Variants in ATR observed in about 807,000 individuals in gnomAD.
ATR encodes the protein ATR checkpoint kinase, also known as serine/threonine-protein kinase ATR.
Under a neutral mutation model 305.3 loss-of-function variants are expected in ATR, and 142 were observed. The observed-to-expected ratio is 0.47, with a 90% confidence interval of 0.41 to 0.53. The LOEUF (loss-of-function observed/expected upper bound fraction) is 0.53. Ranked by LOEUF, ATR falls within the 20% of genes least tolerant of loss-of-function variation. ATR has a pLI of 0.00. For missense variants in ATR, 2,135 were observed against 3,133.1 expected, an observed-to-expected ratio of 0.68 and a Z score of 7.60; for synonymous variants, 1,050 against 1,068.1, an observed-to-expected ratio of 0.98 and a Z score of 0.33.
chr3:142,484,797 G>A (rs2030800838), intron 36 of ATR, among the ~76,000 whole-genome samples: 1 of 152,126 alleles, frequency 6.6e-6, no homozygotes, highest in African/African-American at 2.4e-5. Context: ...AGGACACCAA[G>A]CTGGTGTCCA....
At chr3:142,499,285 A>T in intron 31 of ATR, 1 of 311,852 alleles carries the variant, frequency 3.2e-6, no homozygotes, top group South Asian at 3.0e-5. Context: ...TTTATGTCAT[A>T]TTAAAACCGC....
At chr3:142,557,690 G>A (rs2034722445) in intron 8 of ATR, among the ~76,000 whole-genome samples, 1 of 152,088 alleles carries the variant, frequency 6.6e-6, no homozygotes, top group Admixed American at 6.6e-5. Context: ...TGGAGTGCAG[G>A]GGTGCAATCT....
chr3:142,467,972 G>C lies in ATR; in HGVS notation c.6649C>G (p.Arg2217Gly), dbSNP rs1171389652. The C allele has an allele frequency of 6.2e-7, 1 of 1,612,786 alleles. No homozygotes were observed. Among genetic ancestry groups the C allele is most frequent in the South Asian group, 1.1e-5 (1 of 91,052 alleles). Residue 2217 changes from arginine to glycine, a missense_variant, in exon 39 of 47, where the codon CGC (arginine) becomes GGC (glycine). Physicochemically the swap from Arg to Gly is moderately radical, Grantham distance 125 (BLOSUM62 -2). This residue lies in a region of ATR where 462 missense variants were observed against 887.6 expected (regional missense o/e 0.52). Coordinates refer to ENST00000350721, the MANE Select transcript of ATR (RefSeq NM_001184.4). ...SLEKFVGDATRLTDKLLELCN... is the reference protein window; with the variant it reads ...SLEKFVGDATGLTDKLLELCN... ...AATTCTAGAAGCTTATCTGTTAGGC[G>C]AGTTGCATCTCCAACAAACTTCTCT...
chr3:142,517,119 G>A (rs1230606857), intron 24 of ATR, among the ~76,000 whole-genome samples: 4 of 150,976 alleles, frequency 2.6e-5, no homozygotes, highest in South Asian at 2.1e-4. Context: ...GAATCATCAC[G>A]CGTATAGTTC....
intron 1 of ATR, among the ~76,000 whole-genome samples, chr3:142,577,299 GGAAGACA>G (rs947920279): frequency 6.6e-6 from 1 of 152,114 alleles, no homozygotes; most frequent in Non-Finnish European, 1.5e-5. Context: ...GACTCACGGA[GGAAGACA>G]GAAGAGGGAA....
intron 15 of ATR, among the ~76,000 whole-genome samples, chr3:142,549,085 C>T (rs1161230581): frequency 2.0e-5 from 3 of 152,052 alleles, no homozygotes; most frequent in Non-Finnish European, 4.4e-5. Flanking sequence ...AAAACCTGGA[C>T]CAAATTGTAA....
intron 45 of ATR, among the ~76,000 whole-genome samples, chr3:142,456,459 C>A (rs1160432396): frequency 6.6e-6 from 1 of 152,000 alleles, no homozygotes; most frequent in Non-Finnish European, 1.5e-5. Flanking sequence ...GCTGTCCCAG[C>A]TACTTAGGAA....
intron 35 of ATR, among the ~76,000 whole-genome samples, chr3:142,491,494 CTGT>C (rs1311869954): frequency 1.3e-5 from 2 of 152,154 alleles, no homozygotes; most frequent in African/African-American, 4.8e-5. Flanking sequence ...TCAAATTCTG[CTGT>C]TAAGTACTGG....
intron 46 of ATR, chr3:142,451,420 T>C: frequency 1.3e-6 from 2 of 1,485,962 alleles, no homozygotes; most frequent in South Asian, 2.3e-5. Context: ...AGAAATATTT[T>C]TCTTCATGGC....
In ATR at chr3:142,553,351, T is replaced by C. The variant is rs774278641; in HGVS notation, c.2681A>G (p.His894Arg). The C allele has an allele frequency of 5.6e-6, 9 of 1,613,710 alleles. No individual in the cohort carries two copies. In the South Asian group the frequency reaches 8.8e-5, roughly 16 times the overall value. Residue 894 changes from histidine to arginine, a missense_variant, in exon 13 of 47, where the codon CAT becomes CGT. Around this residue, in one of 9 missense-constraint regions of ATR, gnomAD observed 530 missense variants for 766.8 expected, o/e 0.69. Transcript: ENST00000350721. The stretch of plus-strand genomic sequence containing the variant: ...AGATGCTGACTTGGATAACAAACAA[T>C]GCAATAAGTGTAAGAGTGCAAATGG... ...LVPFALLHLLHCLLSKSASVS... is the reference protein window; with the variant it reads ...LVPFALLHLLRCLLSKSASVS...
At chr3:142,469,150 T>C (rs2071197310) in intron 38 of ATR, among the ~76,000 whole-genome samples, 187 bp downstream of exon 38, 2 of 152,218 alleles carry the variant, frequency 1.3e-5, no homozygotes, top group Non-Finnish European at 2.9e-5. Context: ...TCATTTCATA[T>C]GGTAAATATA....
intron 1 of ATR, among the ~76,000 whole-genome samples, chr3:142,572,722 T>C (rs527933152): frequency 1.3e-5 from 2 of 152,056 alleles, no homozygotes; most frequent in South Asian, 4.2e-4. Context: ...TGAGCCAAGA[T>C]TGTGTCACTG....
chr3:142,480,204 C>T lies in ATR; in HGVS notation c.6221+4936G>A, dbSNP rs572967714. ...TCAGTTTTTCTGTTCTGTTTTTTCCCCATCTTTGTGGTTTTATCTACCTTT... is the reference window on the plus strand; with the variant it reads ...TCAGTTTTTCTGTTCTGTTTTTTCCTCATCTTTGTGGTTTTATCTACCTTT... On this transcript the variant is annotated intron_variant, in intron 36 of 46. Transcript: ENST00000350721. Among the ~76,000 whole-genome samples the T allele has an allele frequency of 8.4e-4, 128 of 152,228 alleles. 3 individuals carry two copies. The South Asian group carries it at 0.026, about 31-fold the overall frequency.
In ATR at chr3:142,465,130, A is replaced by G. The variant is rs1444196337; in HGVS notation, c.7008T>C (p.Cys2336=). 4 of 1,598,194 alleles carry G rather than the reference A, an allele frequency of 2.5e-6. No individual in the cohort carries two copies. The highest frequency in any genetic ancestry group is 3.4e-6 in the Non-Finnish European group (4 of 1,170,484). The part of the protein sequence containing the change: ...CKPKDDLRKD[C]RLMEFNSLIN... ...TCAAGGAATTGAATTCCATTAGTCT[A>G]CAATCCTTTCTCAGGTCATCTTTTG... The change falls in exon 41 of 47, where the codon TGT becomes TGC. Residue 2336 remains cysteine, a synonymous_variant. Coordinates refer to ENST00000350721, the MANE Select transcript of ATR (RefSeq NM_001184.4).
In ATR at chr3:142,562,392, A is replaced by G. The variant is rs933786614; in HGVS notation, c.1010T>C (p.Leu337Pro). The change falls in exon 4 of 47, where the codon CTT becomes CCT. Residue 337 changes from leucine to proline, a missense_variant. Around this residue, in one of 9 missense-constraint regions of ATR, gnomAD observed 744 missense variants for 873.2 expected, o/e 0.85. Coordinates refer to ENST00000350721, the MANE Select transcript of ATR (RefSeq NM_001184.4). ...AGCTGCTTTTAGCAAATCAGACTTAAGCCGCATGAGCACACCGTCTTCAAA... is the reference window on the plus strand; with the variant it reads ...AGCTGCTTTTAGCAAATCAGACTTAGGCCGCATGAGCACACCGTCTTCAAA... Reference protein sequence around the residue: ...VMFEDGVLMRLKSDLLKAALC... With the variant: ...VMFEDGVLMRPKSDLLKAALC... The G allele has an allele frequency of 1.9e-6, 3 of 1,614,036 alleles. No homozygotes were observed. Among genetic ancestry groups the G allele is most frequent in the African/African-American group, 2.7e-5 (2 of 74,922 alleles).
chr3:142,497,369 T>C (rs1458201655), intron 32 of ATR, among the ~76,000 whole-genome samples, 177 bp from the exon 33 acceptor site: 1 of 152,284 alleles, frequency 6.6e-6, no homozygotes, highest in African/African-American at 2.4e-5. Flanking sequence ...TCAAACTGAA[T>C]GTAAACACCA....
chr3:142,519,447 G>A (rs559638410), intron 24 of ATR, among the ~76,000 whole-genome samples: 50 of 152,008 alleles, frequency 3.3e-4, no homozygotes, highest in Non-Finnish European at 4.3e-4. Context: ...GATTACAGAT[G>A]TGCACCACCA....
At chr3:142,551,577 G>C (rs1481909897) in intron 13 of ATR, among the ~76,000 whole-genome samples, 2 of 152,148 alleles carry the variant, frequency 1.3e-5, no homozygotes, top group Non-Finnish European at 2.9e-5. Context: ...ACAGGGAAAG[G>C]ACTCTCTATT....
chr3:142,514,292 C>A (rs114041642), intron 25 of ATR, among the ~76,000 whole-genome samples: 7,053 of 150,650 alleles, frequency 0.047, 233 homozygotes, highest in Non-Finnish European at 0.067. Flanking sequence ...CTTGAAGTTA[C>A]TAACTACGAA....
Sources: allele counts gnomAD v4.1 joint callset (sites outside exome capture counted in the v4.1 genomes callset), GRCh38; gene constraint gnomAD v4.1.1; regional missense constraint gnomAD v4.1.1; transcripts MANE v1.5; gene names NCBI Gene and HGNC (gene_info 2026-07-23, HGNC 2026-07-21).